The following ACER2 variants were observed in gnomAD, a reference collection of about 807,000 sequenced individuals.
The protein encoded by ACER2 is alkaline ceramidase 2.
Under a neutral mutation model 34.7 loss-of-function variants are expected in ACER2, and 26 were observed. The ratio of observed to expected loss-of-function variants is 0.75; its 90% CI spans 0.55 to 1.04. The LOEUF is 1.04. Among genes scored for constraint, ACER2 ranks in the 50% least tolerant of loss-of-function variants. ACER2 has a pLI of 0.00. For synonymous variants in ACER2, 138 were observed against 132.1 expected (o/e 1.04, Z -0.31); for missense variants, 352 against 340.8 (o/e 1.03, Z -0.26).
chr9:19,448,255 C>T (rs566541101), intron 5 of ACER2, among the ~76,000 whole-genome samples: 1 of 152,120 alleles, frequency 6.6e-6, no homozygotes, highest in Non-Finnish European at 1.5e-5. Context: ...TCGAGCAGGT[C>T]CACCTGCCTT....
intron 4 of ACER2, among the ~76,000 whole-genome samples, chr9:19,436,083 CTT>C (rs78161264): frequency 2.1e-5 from 3 of 143,722 alleles, no homozygotes; most frequent in Admixed American, 7.0e-5. Flanking sequence ...GAAAGCCCTT[CTT>C]TTTTTTTTTT....
Position 19,450,564 on chromosome 9 carries a change from A to G in ACER2, c.756A>G (p.Lys252=), listed in dbSNP as rs746716969. The G allele has an allele frequency of 3.1e-6, 5 of 1,609,980 alleles. No homozygotes were observed. Among genetic ancestry groups the G allele is most frequent in the African/African-American group, 2.7e-5 (2 of 75,004 alleles). ...GPVIKFWPNE[K]WAFIGVPYVS... is the part of the protein sequence containing the mutation. ...TCATCAAGTTCTGGCCCAATGAGAA[A>G]TGGGCCTTCATTGGTGTCCCCTATG... The change falls in exon 6 of 6, where the codon AAA becomes AAG. Residue 252 remains lysine, a synonymous_variant. Coordinates refer to ENST00000340967, the MANE Select transcript of ACER2 (RefSeq NM_001010887.3).
chr9:19,416,303 C>T (rs1241918758), intron 1 of ACER2, among the ~76,000 whole-genome samples: 2 of 152,094 alleles, frequency 1.3e-5, no homozygotes, highest in Admixed American at 6.5e-5. Flanking sequence ...GTGTGATGCA[C>T]AGTGGGTGAT....
At position 19,451,838 on chromosome 9, in the gene ACER2, C is replaced by T. The variant is rs571586278; in HGVS notation, c.*1202C>T. 5.9e-5 allele frequency: 9 copies of T among 152,274 alleles called. 1 individual carries two copies. In the South Asian group the frequency reaches 1.9e-3, roughly 32 times the overall value. 9.4% of individuals were successfully genotyped at this position (152,274 alleles called of 1,614,324 possible). A position where few individuals can be genotyped will look rare whatever the true frequency, so the allele number is the denominator to read the frequency against. On this transcript the variant is annotated 3_prime_UTR_variant, in exon 6 of 6. Coordinates refer to ENST00000340967, the MANE Select transcript of ACER2 (RefSeq NM_001010887.3). Reference sequence around the variant, plus strand: ...TATGCTGTACTATTCTGGAAATTACCTTCAAGAGTCTCACTTCTTGTTTCT... The same window carrying T: ...TATGCTGTACTATTCTGGAAATTACTTTCAAGAGTCTCACTTCTTGTTTCT...
At chr9:19,427,242 T>C (rs1417270670) in intron 3 of ACER2, among the ~76,000 whole-genome samples, 1 of 152,266 alleles carries the variant, frequency 6.6e-6, no homozygotes, top group Non-Finnish European at 1.5e-5. Flanking sequence ...CTCTCCTGAC[T>C]GCCTGGGGCA....
In ACER2 at chr9:19,434,989, G is replaced by A. The variant is rs368356908; in HGVS notation, c.408G>A (p.Thr136=). 28 of 1,614,102 alleles carry A rather than the reference G, an allele frequency of 1.7e-5. No individual in the cohort carries two copies. Among genetic ancestry groups the A allele is most frequent in the East Asian group, 6.7e-5 (3 of 44,880 alleles). ...KVVVSVLSAV[T]TCLAFVKPAI... ...TGGTCAGTGTCCTGTCTGCGGTTACGACGTGCCTGGCATTTGTCAAGCCTG... is the reference window on the plus strand; with the variant it reads ...TGGTCAGTGTCCTGTCTGCGGTTACAACGTGCCTGGCATTTGTCAAGCCTG... Residue 136 remains threonine, a synonymous_variant, in exon 4 of 6, where the codon ACG becomes ACA. Coordinates refer to ENST00000340967, the MANE Select transcript of ACER2 (RefSeq NM_001010887.3).
intron 4 of ACER2, 106 bp from the exon 5 acceptor site, chr9:19,446,173 TGG>T (rs1369106280): frequency 6.7e-7 from 1 of 1,492,696 alleles, no homozygotes; most frequent in Non-Finnish European, 9.3e-7. Context: ...TTCAGTGTCT[TGG>T]GGTTGTAGGC....
intron 3 of ACER2, among the ~76,000 whole-genome samples, chr9:19,426,656 A>T (rs1300087587): frequency 6.6e-6 from 1 of 152,126 alleles, no homozygotes; most frequent in African/African-American, 2.4e-5. Flanking sequence ...CCTTATAGAA[A>T]ACCTTTTTTT....
At chr9:19,439,703 C>T (rs1250286420) in intron 4 of ACER2, among the ~76,000 whole-genome samples, 1 of 152,190 alleles carries the variant, frequency 6.6e-6, no homozygotes, top group Non-Finnish European at 1.5e-5. Flanking sequence ...CTTGGTGGCT[C>T]ATGCCTGTAA....
intron 3 of ACER2, among the ~76,000 whole-genome samples, chr9:19,433,139 G>A (rs964736514): frequency 7.8e-5 from 11 of 140,648 alleles, no homozygotes; most frequent in African/African-American, 2.9e-4. Flanking sequence ...AGGCCAGTGA[G>A]TGTGAGTGGC....
chr9:19,431,607 C>T (rs928290527), intron 3 of ACER2, among the ~76,000 whole-genome samples: 1 of 152,224 alleles, frequency 6.6e-6, no homozygotes, highest in East Asian at 1.9e-4. Flanking sequence ...CACCCTGAGG[C>T]TGGAGCAGGC....
chr9:19,417,193 A>G (rs1395354254), intron 1 of ACER2, among the ~76,000 whole-genome samples: 1 of 152,228 alleles, frequency 6.6e-6, no homozygotes, highest in Non-Finnish European at 1.5e-5. Context: ...TTCAAGGAGA[A>G]CTACAAACCA....
At chr9:19,417,693 A>G (rs1211301179) in intron 1 of ACER2, among the ~76,000 whole-genome samples, 4 of 152,238 alleles carry the variant, frequency 2.6e-5, no homozygotes, top group African/African-American at 9.6e-5. Context: ...CTTACACCTT[A>G]TACAAAAATT....
intron 1 of ACER2, 89 bp downstream of exon 1, chr9:19,409,281 C>G (rs1012719322): frequency 3.1e-6 from 4 of 1,281,308 alleles, no homozygotes; most frequent in Non-Finnish European, 4.4e-6. Context: ...ACGTGGGTCT[C>G]TGCGCGCATC....
chr9:19,445,684 G>T (rs1831330991), intron 4 of ACER2, among the ~76,000 whole-genome samples: 1 of 152,348 alleles, frequency 6.6e-6, no homozygotes, highest in East Asian at 1.9e-4. Flanking sequence ...AGTGGCTTGA[G>T]TATGGGCAGT....
intron 4 of ACER2, among the ~76,000 whole-genome samples, chr9:19,439,171 C>T (rs923248016): frequency 2.0e-5 from 3 of 152,184 alleles, no homozygotes; most frequent in African/African-American, 7.2e-5. Context: ...CTAGCCATCA[C>T]TAAAGCTAAT....
At chr9:19,419,172 CAA>C (rs2132467063) in intron 1 of ACER2, among the ~76,000 whole-genome samples, 1 of 152,198 alleles carries the variant, frequency 6.6e-6, no homozygotes, top group Non-Finnish European at 1.5e-5. Context: ...GCCTGGGCAA[CAA>C]GAGCAAAACT....
chr9:19,449,890 T>TAAAA (rs543959118), intron 5 of ACER2, among the ~76,000 whole-genome samples: 1 of 131,360 alleles, frequency 7.6e-6, no homozygotes, highest in African/African-American at 2.9e-5. Context: ...AGACTTCATT[T>TAAAA]AAAAAAAAAA....
At chr9:19,433,929 G>C (rs1045317313) in intron 3 of ACER2, among the ~76,000 whole-genome samples, 1 of 151,960 alleles carries the variant, frequency 6.6e-6, no homozygotes, top group African/African-American at 2.4e-5. Context: ...CTCCAGGACG[G>C]GGCGGCTGGC....
Sources: gnomAD v4.1 joint callset for allele counts (sites outside exome capture counted in the v4.1 genomes callset) on GRCh38, gnomAD v4.1.1 for gene constraint, MANE v1.5 for transcripts, NCBI Gene and HGNC (gene_info 2026-07-23, HGNC 2026-07-21) for gene names.